P4HA1: variants seen among roughly 807,000 people sequenced by gnomAD.
The protein encoded by P4HA1 is prolyl 4-hydroxylase subunit alpha 1.
Under a neutral mutation model 72.8 loss-of-function variants are expected in P4HA1, and 24 were observed. That is an observed-to-expected ratio of 0.33 (90% confidence interval 0.24 to 0.46). The LOEUF is 0.46. Ranked by LOEUF, P4HA1 falls within the 20% of genes least tolerant of loss-of-function variation. The pLI is 1.00. For missense variants in P4HA1, 446 were observed against 640.6 expected, an observed-to-expected ratio of 0.70 and a Z score of 3.28; for synonymous variants, 201 against 218.8, an observed-to-expected ratio of 0.92 and a Z score of 0.72.
chr10:73,074,276 G>A (rs1355311871), intron 2 of P4HA1, among the ~76,000 whole-genome samples: 2 of 152,026 alleles, frequency 1.3e-5, no homozygotes, highest in Non-Finnish European at 1.5e-5. Flanking sequence ...ATAACAGGAT[G>A]CGAGAACCCA....
At position 73,063,199 on chromosome 10, in the gene P4HA1, A is replaced by G. The variant is rs148277937; in HGVS notation, c.463+5647T>C. 1.8e-3 allele frequency among the ~76,000 whole-genome samples: 270 copies of G among 152,330 alleles called. 3 individuals carry two copies. The highest frequency in any genetic ancestry group is 6.2e-3 in the African/African-American group (256 of 41,568). On this transcript the variant is annotated intron_variant, in intron 5 of 14. Coordinates refer to ENST00000394890, the MANE Select transcript of P4HA1 (RefSeq NM_001017962.3). ...CAAATTTATTTTCTCACAGTTCTAG[A>G]GGCTGGGTAGTCCAAGATTCAAAGC...
intron 4 of P4HA1, 118 bp from the exon 5 acceptor site, chr10:73,069,101 T>C: frequency 1.4e-6 from 1 of 717,122 alleles, no homozygotes; most frequent in African/African-American, 1.8e-5. Context: ...CCATGAAAAG[T>C]TCTACATACT....
intron 9 of P4HA1, among the ~76,000 whole-genome samples, chr10:73,035,073 T>C (rs1245535194): frequency 6.6e-6 from 1 of 152,170 alleles, no homozygotes; most frequent in Non-Finnish European, 1.5e-5. Flanking sequence ...GGTGTGCAAG[T>C]ATATGACTCC....
Position 73,034,820 on chromosome 10 carries a change from A to G in P4HA1, c.1149-4450T>C, listed in dbSNP as rs553421340. On this transcript the variant is annotated intron_variant, in intron 9 of 14. Coordinates refer to ENST00000394890, the MANE Select transcript of P4HA1 (RefSeq NM_001017962.3). ...GGTGTCAAACTCCTGGACTCAGGCAATCTGCCTGCCTCAGCCTCCCAAAGT... is the reference window on the plus strand; with the variant it reads ...GGTGTCAAACTCCTGGACTCAGGCAGTCTGCCTGCCTCAGCCTCCCAAAGT... Among the ~76,000 whole-genome samples the G allele has an allele frequency of 2.6e-5, 4 of 152,170 alleles. No individual in the cohort carries two copies. The East Asian group carries it at 7.7e-4, about 29-fold the overall frequency.
At chr10:73,028,333 CACACACACACACAA>C (rs1840343039) in intron 10 of P4HA1, among the ~76,000 whole-genome samples, 1 of 150,468 alleles carries the variant, frequency 6.6e-6, no homozygotes, top group African/African-American at 2.5e-5. Flanking sequence ...CACACACACA[CACACACACACACAA>C]AATACATTTT....
chr10:73,019,540 A>G (rs1280303893), intron 10 of P4HA1, among the ~76,000 whole-genome samples: 2 of 152,202 alleles, frequency 1.3e-5, no homozygotes, highest in East Asian at 1.9e-4. Context: ...ACAATTCATG[A>G]TATGAATCAG....
At chr10:73,095,643 C>T (rs1179192447) in intron 1 of P4HA1, among the ~76,000 whole-genome samples, 1 of 151,910 alleles carries the variant, frequency 6.6e-6, no homozygotes, top group Non-Finnish European at 1.5e-5. Flanking sequence ...AGCGAAAGTC[C>T]GAGAACCACT....
chr10:73,073,675 G>A (rs889086206), intron 3 of P4HA1, 56 bp downstream of exon 3: 2 of 868,882 alleles, frequency 2.3e-6, no homozygotes, highest in African/African-American at 3.3e-5. Flanking sequence ...ATTTTAGCTT[G>A]AGAAAGAAAA....
chr10:73,062,918 G>A (rs1010691487), intron 5 of P4HA1, among the ~76,000 whole-genome samples: 3 of 152,108 alleles, frequency 2.0e-5, no homozygotes, highest in Admixed American at 2.0e-4. Flanking sequence ...TGCACTGGAG[G>A]ATCACATGAC....
At chr10:73,037,289 TCTA>T (rs963165662) in intron 9 of P4HA1, among the ~76,000 whole-genome samples, 5 of 148,926 alleles carry the variant, frequency 3.4e-5, no homozygotes, top group Middle Eastern at 3.4e-3. Flanking sequence ...TTTTTTCCTT[TCTA>T]CTGAGTTTCC....
In P4HA1 at chr10:73,010,900, C is replaced by G; in HGVS notation, c.1437+69G>C. 6 of 1,056,298 alleles carry G rather than the reference C, an allele frequency of 5.7e-6. No individual in the cohort carries two copies. In the South Asian group the frequency reaches 8.0e-5, roughly 14 times the overall value. The allele number at this position is 1,056,298 out of a possible 1,614,324, so 65.4% of individuals were successfully genotyped here. On this transcript the variant is annotated intron_variant, in intron 13 of 14. Transcript: ENST00000394890. ...AAAAAATGTAATTCATTAATTAGAC[C>G]ATGAATACAAGTGCATCTCTTCCTT...
At chr10:73,009,237 T>C (rs1463243685) in intron 14 of P4HA1, among the ~76,000 whole-genome samples, 2 of 152,208 alleles carry the variant, frequency 1.3e-5, no homozygotes, top group South Asian at 2.1e-4. Flanking sequence ...GGCTAATTAA[T>C]AGATATTAAA....
rs185866141 is a variant in P4HA1 at position 73,074,529 on chromosome 10, G to A, written c.76+279C>T. ...ACTTGTGTTCACAGTAGATTAAGTG[G>A]AAAAAGCAGATTAGATATATATGCA... On this transcript the variant is annotated intron_variant, in intron 2 of 14. Coordinates refer to ENST00000394890, the MANE Select transcript of P4HA1 (RefSeq NM_001017962.3). Among the ~76,000 whole-genome samples, 384 of 152,052 alleles carry A rather than the reference G, an allele frequency of 2.5e-3. 1 individual carries two copies. The highest frequency in any genetic ancestry group is 8.9e-3 in the Admixed American group (136 of 15,284).
At chr10:73,044,583 C>T (rs1051684611) in intron 9 of P4HA1, among the ~76,000 whole-genome samples, 3 of 152,060 alleles carry the variant, frequency 2.0e-5, no homozygotes, top group Non-Finnish European at 4.4e-5. Context: ...TATGAATCAC[C>T]GCAGCATTTA....
chr10:73,034,346 A>G (rs1402413344), intron 9 of P4HA1, among the ~76,000 whole-genome samples: 1 of 152,174 alleles, frequency 6.6e-6, no homozygotes, highest in Non-Finnish European at 1.5e-5. Context: ...ACTGGTGTTA[A>G]GTACATTTAC....
intron 1 of P4HA1, among the ~76,000 whole-genome samples, chr10:73,092,346 C>CTTTTTTTTTTT (rs1157972087): frequency 1.8e-5 from 2 of 112,368 alleles, no homozygotes; most frequent in Non-Finnish European, 3.8e-5. Context: ...TTTTTCTTTT[C>CTTTTTTTTTTT]TTTTTTTTTT....
intron 9 of P4HA1, among the ~76,000 whole-genome samples, chr10:73,043,014 C>A (rs898095050): frequency 1.3e-5 from 2 of 152,036 alleles, no homozygotes; most frequent in Middle Eastern, 3.4e-3. Context: ...AATATTTATA[C>A]AATTAACAAA....
chr10:73,021,124 G>A (rs766312386), intron 10 of P4HA1, among the ~76,000 whole-genome samples: 15 of 151,326 alleles, frequency 9.9e-5, no homozygotes, highest in Non-Finnish European at 1.8e-4. Flanking sequence ...AAGAGAGTAA[G>A]ACTACATCTC....
chr10:73,036,257 TA>T (rs201706763), intron 9 of P4HA1, among the ~76,000 whole-genome samples: 132 of 147,752 alleles, frequency 8.9e-4, no homozygotes, highest in Admixed American at 1.6e-3. Context: ...GATTGTAGGT[TA>T]AAAAAAAAAT....
Sources: allele counts gnomAD v4.1 joint callset (sites outside exome capture counted in the v4.1 genomes callset), GRCh38; gene constraint gnomAD v4.1.1; transcripts MANE v1.5; gene names NCBI Gene and HGNC (gene_info 2026-07-23, HGNC 2026-07-21).